ST6GAL1: variants seen among roughly 807,000 people sequenced by gnomAD.
ST6GAL1 encodes the protein beta-galactoside alpha-2,6-sialyltransferase 1.
In ST6GAL1, 20 loss-of-function variants were observed where a neutral mutation model predicts 38.0. The observed-to-expected ratio is 0.53, with a 90% CI of 0.37 to 0.77. The LOEUF is 0.77. Among genes scored for constraint, ST6GAL1 ranks in the 30% least tolerant of loss-of-function variants. The probability of loss-of-function intolerance (pLI) is 0.00; values close to 1 mark genes in which losing one functional copy is unlikely to be tolerated. For synonymous variants in ST6GAL1, 196 were observed against 188.2 expected (o/e 1.04, Z -0.34); for missense variants, 432 against 496.4 (o/e 0.87, Z 1.23).
chr3:186,946,286 CG>C lies in ST6GAL1; in HGVS notation c.-325+15453del, dbSNP rs1560137498. ...TGAGGTCGTGCCACTCTAGCCTGGGCGACAGAGTGAGATTCCATTTCAAAAA... is the reference window on the plus strand; with the variant it reads ...TGAGGTCGTGCCACTCTAGCCTGGGCACAGAGTGAGATTCCATTTCAAAAA... On this transcript the variant is annotated intron_variant, in intron 1 of 7. Transcript: ENST00000169298. Among the ~76,000 whole-genome samples the C allele has an allele frequency of 1.7e-4, 25 of 150,600 alleles. No homozygotes were observed. In the East Asian group the frequency reaches 4.7e-3, roughly 28 times the overall value.
chr3:187,076,948 C>A lies in ST6GAL1; in HGVS notation c.*1145C>A. On this transcript the variant is annotated 3_prime_UTR_variant, in exon 8 of 8. Transcript: ENST00000169298. ...TCCCATTCTTCCTTTTCAATACCTA[C>A]CCCCAAATCTTCTCCTAACCACCAT... is the stretch of plus-strand genomic sequence containing the variant. The A allele has an allele frequency of 2.5e-6, 1 of 398,008 alleles. No individual in the cohort carries two copies. The highest frequency in any genetic ancestry group is 4.4e-6 in the Non-Finnish European group (1 of 226,002). 24.7% of individuals were successfully genotyped at this position (398,008 alleles called of 1,614,324 possible).
At chr3:186,956,828 T>C (rs1056181796) in intron 1 of ST6GAL1, among the ~76,000 whole-genome samples, 1 of 152,164 alleles carries the variant, frequency 6.6e-6, no homozygotes, top group African/African-American at 2.4e-5. Context: ...AAAAGACAGC[T>C]AACGATCACC....
At chr3:186,951,395 T>C (rs1309614197) in intron 1 of ST6GAL1, among the ~76,000 whole-genome samples, 7 of 152,216 alleles carry the variant, frequency 4.6e-5, no homozygotes, top group African/African-American at 1.7e-4. Flanking sequence ...ACATTGGTGT[T>C]GTAGGCCATG....
intron 5 of ST6GAL1, among the ~76,000 whole-genome samples, chr3:187,064,186 T>C (rs1039386210): frequency 6.6e-6 from 1 of 152,154 alleles, no homozygotes; most frequent in African/African-American, 2.4e-5. Context: ...CATACAGATA[T>C]TAAAAATGAA....
rs915765247 is a variant in ST6GAL1 at position 187,076,922 on chromosome 3, G to C, written c.*1119G>C. ...TCCTGTCAGCTGGGTTTACATACCAGTCCCATTCTTCCTTTTCAATACCTA... is the reference window on the plus strand; with the variant it reads ...TCCTGTCAGCTGGGTTTACATACCACTCCCATTCTTCCTTTTCAATACCTA... On this transcript the variant is annotated 3_prime_UTR_variant, in exon 8 of 8. Transcript: ENST00000169298. 7.5e-6 allele frequency: 3 copies of C among 398,046 alleles called. No individual in the cohort carries two copies. The highest frequency in any genetic ancestry group is 1.3e-5 in the Non-Finnish European group (3 of 226,016). The allele number at this position is 398,046 out of a possible 1,614,324, so 24.7% of individuals were successfully genotyped here.
At chr3:187,070,529 A>AT in intron 5 of ST6GAL1, among the ~76,000 whole-genome samples, 1 of 141,886 alleles carries the variant, frequency 7.0e-6, no homozygotes, top group East Asian at 2.1e-4. Flanking sequence ...GGTTCAAGTG[A>AT]TTCTCCTGCC....
chr3:186,990,993 G>A (rs780493445), intron 2 of ST6GAL1, among the ~76,000 whole-genome samples: 7 of 152,038 alleles, frequency 4.6e-5, no homozygotes, highest in African/African-American at 1.2e-4. Flanking sequence ...CAGTATTGGC[G>A]TGAATCAGCT....
At chr3:187,037,041 G>A (rs1283514859) in intron 2 of ST6GAL1, among the ~76,000 whole-genome samples, 1 of 152,148 alleles carries the variant, frequency 6.6e-6, no homozygotes, top group Non-Finnish European at 1.5e-5. Flanking sequence ...ACTGGAGTAT[G>A]TAATCTTTTG....
At chr3:186,999,698 C>G (rs1716550614) in intron 2 of ST6GAL1, among the ~76,000 whole-genome samples, 1 of 152,090 alleles carries the variant, frequency 6.6e-6, no homozygotes, top group African/African-American at 2.4e-5. Flanking sequence ...CATGAGCCAC[C>G]GTGTCCAGCC....
At chr3:187,068,694 T>A (rs1719257928) in intron 5 of ST6GAL1, among the ~76,000 whole-genome samples, 1 of 152,240 alleles carries the variant, frequency 6.6e-6, no homozygotes, top group African/African-American at 2.4e-5. Flanking sequence ...CTGCTTTGCA[T>A]ACTCAAAATT....
At chr3:187,066,076 AG>A (rs751771342) in intron 5 of ST6GAL1, among the ~76,000 whole-genome samples, 6 of 143,768 alleles carry the variant, frequency 4.2e-5, no homozygotes, top group Admixed American at 6.8e-5. Context: ...ATGGGTTGGC[AG>A]GGCGGGTGGG....
rs557405881 is a variant in ST6GAL1 at position 187,053,786 on chromosome 3, T to G, written c.705+2440T>G. The stretch of plus-strand genomic sequence containing the variant: ...AGGATTGTCTTGGCAATGCAGGCTC[T>G]TTTTTGGTTGCATATGAACTTTAAA... On this transcript the variant is annotated intron_variant, in intron 5 of 7. Coordinates refer to ENST00000169298, the MANE Select transcript of ST6GAL1 (RefSeq NM_173216.2). Among the ~76,000 whole-genome samples the G allele has an allele frequency of 8.0e-3, 1,218 of 152,352 alleles. 10 individuals are homozygous for G. The highest frequency in any genetic ancestry group is 0.02 in the Middle Eastern group (6 of 294).
intron 2 of ST6GAL1, among the ~76,000 whole-genome samples, chr3:187,026,865 GA>G (rs2108569638): frequency 6.6e-6 from 1 of 152,176 alleles, no homozygotes; most frequent in East Asian, 1.9e-4. Context: ...CTAACACGGT[GA>G]AACCCCATCT....
At chr3:187,013,481 G>C (rs558640157) in intron 2 of ST6GAL1, among the ~76,000 whole-genome samples, 12 of 152,310 alleles carry the variant, frequency 7.9e-5, no homozygotes, top group African/African-American at 2.9e-4. Context: ...TCTTCACAGT[G>C]ACACACCCTT....
intron 2 of ST6GAL1, among the ~76,000 whole-genome samples, chr3:187,002,278 T>G (rs141782701): frequency 1.4e-4 from 21 of 152,332 alleles, no homozygotes; most frequent in Middle Eastern, 3.4e-3. Context: ...CCTCCCACAC[T>G]TAGTGTCAAA....
At chr3:187,055,134 A>T (rs1239575746) in intron 5 of ST6GAL1, among the ~76,000 whole-genome samples, 1 of 151,852 alleles carries the variant, frequency 6.6e-6, no homozygotes, top group Non-Finnish European at 1.5e-5. Context: ...CTGTGGGATC[A>T]GTGGTGATAT....
chr3:186,960,198 C>T (rs1484828660), intron 1 of ST6GAL1, among the ~76,000 whole-genome samples: 1 of 152,170 alleles, frequency 6.6e-6, no homozygotes, highest in Non-Finnish European at 1.5e-5. Context: ...GGAGTCACTG[C>T]GCCCAAGGCA....
At chr3:187,050,561 G>A (rs62292648) in intron 4 of ST6GAL1, among the ~76,000 whole-genome samples, 107 of 69,944 alleles carry the variant, frequency 1.5e-3, no homozygotes, top group South Asian at 2.7e-3. Flanking sequence ...AGAGAGAGAG[G>A]GAGGGAGGGA....
At chr3:187,020,970 T>TG (rs543996638) in intron 2 of ST6GAL1, among the ~76,000 whole-genome samples, 203 of 151,566 alleles carry the variant, frequency 1.3e-3, no homozygotes, top group Non-Finnish European at 2.3e-3. Context: ...GGTTTTTTTT[T>TG]TTGTTTTTTT....
Sources: gnomAD v4.1 joint callset for allele counts (sites outside exome capture counted in the v4.1 genomes callset) on GRCh38, gnomAD v4.1.1 for gene constraint, MANE v1.5 for transcripts, NCBI Gene and HGNC (gene_info 2026-07-23, HGNC 2026-07-21) for gene names.